The following SP140 variants were observed in gnomAD, a reference collection of about 807,000 sequenced individuals.
SP140 encodes SP140 nuclear body protein.
A neutral mutation model predicts 125.0 loss-of-function variants in SP140; 81 were observed. The observed-to-expected ratio is 0.65, with a 90% CI of 0.54 to 0.78. SP140 has a LOEUF of 0.78. SP140 is among the 30% of genes least tolerant of loss of function. SP140 has a pLI of 0.00. For missense variants in SP140, 858 were observed against 1,037.0 expected (o/e 0.83, Z 2.37); for synonymous variants, 312 against 354.0 (o/e 0.88, Z 1.33).
In SP140 at chr2:230,207,959, G is replaced by C. The variant is rs41309104; in HGVS notation, c.-323+4680G>C. ...ACAAGCCCTGCATGAGCTGTTTCCA[G>C]CCTCCAGCTTCCTCTTGTACTCTCA... On this transcript the variant is annotated intron_variant, in intron 1 of 4. Coordinates refer to the SP140 transcript ENST00000456542. 7.9e-4 allele frequency: 881 copies of C among 1,121,672 alleles called. 2 individuals are homozygous for C. Among genetic ancestry groups the C allele is most frequent in the Non-Finnish European group, 1.1e-3 (810 of 740,096 alleles). 69.5% of individuals were successfully genotyped at this position (1,121,672 alleles called of 1,614,324 possible).
At chr2:230,200,728 T>C (rs914437256), upstream of SP140, 9 of 673,342 alleles carry the variant, frequency 1.3e-5, no homozygotes, top group South Asian at 1.3e-4. Context: ...GTAAATATCA[T>C]GGGAAGGGTC....
chr2:230,292,238 C>T (rs549565440), intron 19 of SP140, among the ~76,000 whole-genome samples: 2 of 152,270 alleles, frequency 1.3e-5, no homozygotes, highest in East Asian at 3.9e-4. Flanking sequence ...GACCGTAGCC[C>T]CAAGTTGAGG....
chr2:230,222,587 G>A (rs956715082), upstream of SP140, among the ~76,000 whole-genome samples: 2 of 151,900 alleles, frequency 1.3e-5, no homozygotes, highest in Admixed American at 6.5e-5. Flanking sequence ...AATTGGGCAT[G>A]TTGGCATACA....
intron 15 of SP140, among the ~76,000 whole-genome samples, chr2:230,274,962 T>C (rs2054499195): frequency 6.6e-6 from 1 of 152,154 alleles, no homozygotes; most frequent in Non-Finnish European, 1.5e-5. Context: ...CCAACTTAAC[T>C]GTAAAAAAAA....
At chr2:230,264,162 A>T (rs551709248) in intron 12 of SP140, among the ~76,000 whole-genome samples, 2 of 152,086 alleles carry the variant, frequency 1.3e-5, no homozygotes, top group East Asian at 3.9e-4. Context: ...GGCTTTGTTC[A>T]TATTTTCTTA....
At chr2:230,203,591 G>A (rs1031249322) in intron 1 of SP140, 1 of 152,080 alleles carries the variant, frequency 6.6e-6, no homozygotes, top group Non-Finnish European at 1.5e-5. Context: ...CAGCCTGATA[G>A]AGCCTAAAAC....
At chr2:230,253,564 C>CT in intron 11 of SP140, 147 bp downstream of exon 11, 5 of 655,650 alleles carry the variant, frequency 7.6e-6, no homozygotes, top group Admixed American at 5.5e-5. Flanking sequence ...TTCTGTTGGG[C>CT]TTTTTTTGTA....
At chr2:230,297,886 T>C (rs551938291) in intron 22 of SP140, among the ~76,000 whole-genome samples, 2 of 152,290 alleles carry the variant, frequency 1.3e-5, no homozygotes, top group South Asian at 4.1e-4. Context: ...AAGGTGCAGG[T>C]AGAGTTGAAG....
intron 3 of SP140, among the ~76,000 whole-genome samples, chr2:230,220,614 C>G (rs570634675): frequency 6.6e-6 from 1 of 152,172 alleles, no homozygotes; most frequent in Non-Finnish European, 1.5e-5. Flanking sequence ...CCTGCTGATT[C>G]CAGAGAGCAG....
At chr2:230,253,118 C>T (rs560743742) in intron 10 of SP140, among the ~76,000 whole-genome samples, 198 bp from the exon 11 acceptor site, 2 of 152,148 alleles carry the variant, frequency 1.3e-5, no homozygotes, top group Admixed American at 6.5e-5. Context: ...ACAATCCAAG[C>T]GCTGCTCAGC....
chr2:230,280,869 CT>C (rs2055438675), intron 15 of SP140, among the ~76,000 whole-genome samples: 1 of 151,960 alleles, frequency 6.6e-6, no homozygotes, highest in Non-Finnish European at 1.5e-5. Flanking sequence ...CACTTTTTGT[CT>C]AGCTGAAGTA....
upstream of SP140, chr2:230,202,943 ACTCCTGGTATGAC>A: frequency 1.7e-6 from 1 of 590,834 alleles, no homozygotes. Context: ...ATCTGCTTTC[ACTCCTGGTATGAC>A]CTGTTGCAAT....
chr2:230,283,852 G>A (rs1325426442), intron 15 of SP140, among the ~76,000 whole-genome samples: 1 of 152,166 alleles, frequency 6.6e-6, no homozygotes, highest in Non-Finnish European at 1.5e-5. Flanking sequence ...TGGAGGCAGT[G>A]CTGAGATTAT....
At chr2:230,205,053 C>G (rs1000948261) in intron 1 of SP140, among the ~76,000 whole-genome samples, 2 of 152,006 alleles carry the variant, frequency 1.3e-5, no homozygotes, top group African/African-American at 4.8e-5. Flanking sequence ...GTGAACATTA[C>G]CCTAAGGGCA....
At chr2:230,255,752 G>A (rs1267644537) in intron 12 of SP140, among the ~76,000 whole-genome samples, 1 of 152,206 alleles carries the variant, frequency 6.6e-6, no homozygotes, top group Admixed American at 6.5e-5. Flanking sequence ...GGGATTTATT[G>A]TTTGAACATA....
chr2:230,188,979 T>C, the SP140 span, among the ~76,000 whole-genome samples: 1 of 152,308 alleles, frequency 6.6e-6, no homozygotes, highest in East Asian at 1.9e-4. Context: ...TAGATTTTTC[T>C]AGTTTTTGTG....
Position 230,255,548 on chromosome 2 carries a change from G to C in SP140, c.1240+16G>C, listed in dbSNP as rs115751405. 3.6e-3 allele frequency: 5,760 copies of C among 1,610,112 alleles called. 183 individuals are homozygous for C. The African/African-American group carries it at 0.063, about 18-fold the overall frequency. Reference sequence around the variant, plus strand: ...CGTGGGTCAGGTAAGGACGGGGGGGGGGATTTCTGGCCCTGGGCTGCAGAG... The same window carrying C: ...CGTGGGTCAGGTAAGGACGGGGGGGCGGATTTCTGGCCCTGGGCTGCAGAG... On this transcript the variant is annotated intron_variant, in intron 12 of 26. Coordinates refer to ENST00000392045, the MANE Select transcript of SP140 (RefSeq NM_007237.5).
At chr2:230,274,430 A>G (rs1487827020) in intron 15 of SP140, among the ~76,000 whole-genome samples, 4 of 152,162 alleles carry the variant, frequency 2.6e-5, no homozygotes, top group Non-Finnish European at 5.9e-5. Flanking sequence ...GGTCAGAGAG[A>G]ATAGAGCTGG....
chr2:230,314,758 T>G (rs1454685811), downstream of SP140, among the ~76,000 whole-genome samples: 1 of 152,224 alleles, frequency 6.6e-6, no homozygotes, highest in Non-Finnish European at 1.5e-5. Context: ...ACTACTAATG[T>G]GTCTCAGACA....
Sources: gnomAD v4.1 joint callset for allele counts (sites outside exome capture counted in the v4.1 genomes callset) on GRCh38, gnomAD v4.1.1 for gene constraint, MANE v1.5 for transcripts, NCBI Gene and HGNC (gene_info 2026-07-23, HGNC 2026-07-21) for gene names.